Variants in SLCO1A2 observed in about 807,000 individuals in gnomAD.
The protein encoded by SLCO1A2 is solute carrier organic anion transporter family member 1A2, also known as OATP-1.
A neutral mutation model predicts 69.0 loss-of-function variants in SLCO1A2; 67 were observed. That is an observed-to-expected ratio of 0.97 (90% CI 0.80 to 1.19). The LOEUF is 1.19. Ranked by LOEUF, SLCO1A2 falls within the 50% of genes most tolerant of loss-of-function variation. The pLI is 0.00. For missense variants in SLCO1A2, 787 were observed against 793.7 expected, an observed-to-expected ratio of 0.99 and a Z score of 0.10; for synonymous variants, 260 against 265.9, an observed-to-expected ratio of 0.98 and a Z score of 0.22.
At position 21,269,418 on chromosome 12, in the gene SLCO1A2, TTTGAG is replaced by T; in HGVS notation, c.*125_*129del. ...ATATCATTAGTGAACATTTTATTAT[TTTGAG>T]TTAAGAGGTTTTTTAGGTTCTTAAA... On this transcript the variant is annotated 3_prime_UTR_variant, in exon 15 of 15. Coordinates refer to ENST00000683939, the MANE Select transcript of SLCO1A2 (RefSeq NM_001386879.1). 1 of 598,014 alleles carries T rather than the reference TTTGAG, an allele frequency of 1.7e-6. No homozygotes were observed. The highest frequency in any genetic ancestry group is 2.8e-6 in the Non-Finnish European group (1 of 358,666). 37.0% of individuals were successfully genotyped at this position (598,014 alleles called of 1,614,324 possible).
At chr12:21,279,785 A>G (rs1333924476) in intron 12 of SLCO1A2, among the ~76,000 whole-genome samples, 1 of 152,112 alleles carries the variant, frequency 6.6e-6, no homozygotes, top group East Asian at 1.9e-4. Flanking sequence ...ATAGTAAGTA[A>G]GCAAAAAAAT....
chr12:21,392,277 A>C (rs1941197247), intron 1 of SLCO1A2, among the ~76,000 whole-genome samples: 1 of 152,166 alleles, frequency 6.6e-6, no homozygotes. Context: ...CAATCATTCT[A>C]GATGTAAGAG....
At chr12:21,351,155 TAAG>T (rs1435434584) in intron 2 of SLCO1A2, among the ~76,000 whole-genome samples, 1 of 152,030 alleles carries the variant, frequency 6.6e-6, no homozygotes, top group African/African-American at 2.4e-5. Context: ...ACTGAGTAAA[TAAG>T]AAGTTAGCAG....
chr12:21,357,674 G>T (rs1391896368), intron 2 of SLCO1A2, among the ~76,000 whole-genome samples: 1 of 151,938 alleles, frequency 6.6e-6, no homozygotes, highest in Non-Finnish European at 1.5e-5. Flanking sequence ...TATTCTTAAG[G>T]TTTCTTCTAA....
chr12:21,321,217 G>T (rs187731471), intron 2 of SLCO1A2, among the ~76,000 whole-genome samples: 1 of 152,188 alleles, frequency 6.6e-6, no homozygotes, highest in African/African-American at 2.4e-5. Context: ...CTAACTGCTC[G>T]ATTCTTTCTC....
chr12:21,350,618 T>C (rs12303202), intron 2 of SLCO1A2, among the ~76,000 whole-genome samples: 29,839 of 151,462 alleles, frequency 0.2, 3,577 homozygotes, highest in East Asian at 0.43. Flanking sequence ...GGGTGGATCA[T>C]GAGGTCAGAA....
At chr12:21,277,181 G>A (rs1353943848) in intron 12 of SLCO1A2, among the ~76,000 whole-genome samples, 2 of 152,100 alleles carry the variant, frequency 1.3e-5, no homozygotes, top group African/African-American at 2.4e-5. Context: ...AGAGGACTTT[G>A]TCTTGCATCT....
intron 1 of SLCO1A2, among the ~76,000 whole-genome samples, chr12:21,414,067 A>G (rs1399289142): frequency 7.9e-6 from 1 of 126,380 alleles, no homozygotes; most frequent in Admixed American, 8.2e-5. Context: ...CATATCCCCA[A>G]CCTATATAAG....
At chr12:21,298,094 T>C (rs2199686) in intron 8 of SLCO1A2, among the ~76,000 whole-genome samples, 25,036 of 152,180 alleles carry the variant, frequency 0.16, 2,513 homozygotes, top group African/African-American at 0.27. Flanking sequence ...ATCCGGAATT[T>C]TTTTTTGCTT....
intron 1 of SLCO1A2, among the ~76,000 whole-genome samples, chr12:21,384,138 A>G (rs1940748827): frequency 6.6e-6 from 1 of 152,208 alleles, no homozygotes; most frequent in African/African-American, 2.4e-5. Flanking sequence ...AACTACACAA[A>G]CCAAAGAACA....
chr12:21,362,464 A>G (rs1400649355), intron 2 of SLCO1A2, among the ~76,000 whole-genome samples: 1 of 152,204 alleles, frequency 6.6e-6, no homozygotes, highest in Non-Finnish European at 1.5e-5. Flanking sequence ...TGTAAAGACC[A>G]TTGGTACTAG....
chr12:21,383,998 C>A (rs1940741287), intron 1 of SLCO1A2, among the ~76,000 whole-genome samples: 1 of 152,118 alleles, frequency 6.6e-6, no homozygotes, highest in African/African-American at 2.4e-5. Context: ...AGTGTGGCAT[C>A]TTATACTCCC....
rs887461051 is a variant in SLCO1A2 at position 21,304,347 on chromosome 12, G to T, written c.589+80C>A. ...TACTCATCATTGTGGAAATCACTAA[G>T]ACTACAAAAATATAACTAATTTCTA... On this transcript the variant is annotated intron_variant, in intron 6 of 14. Coordinates refer to ENST00000683939, the MANE Select transcript of SLCO1A2 (RefSeq NM_001386879.1). 26 of 1,175,952 alleles carry T rather than the reference G, an allele frequency of 2.2e-5. No individual in the cohort carries two copies. The Admixed American group carries it at 5.5e-4, about 25-fold the overall frequency. The allele number at this position is 1,175,952 out of a possible 1,614,324, so 72.8% of individuals were successfully genotyped here. A position where few individuals can be genotyped will look rare whatever the true frequency, so the allele number is the denominator to read the frequency against.
chr12:21,293,326 A>C (rs1947192050), intron 11 of SLCO1A2, among the ~76,000 whole-genome samples: 1 of 152,094 alleles, frequency 6.6e-6, no homozygotes, highest in Non-Finnish European at 1.5e-5. Context: ...GAAAAGAAAT[A>C]GTTTCTTTCA....
At chr12:21,347,657 G>GAAGA (rs1422542546) in intron 2 of SLCO1A2, among the ~76,000 whole-genome samples, 10 of 128,134 alleles carry the variant, frequency 7.8e-5, no homozygotes, top group African/African-American at 3.2e-4. Flanking sequence ...AAGAAGGAAA[G>GAAGA]AAGAAAGAAA....
intron 5 of SLCO1A2, among the ~76,000 whole-genome samples, chr12:21,305,293 C>T (rs1949224321): frequency 6.6e-6 from 1 of 152,268 alleles, no homozygotes; most frequent in East Asian, 1.9e-4. Flanking sequence ...AATCTCTTTG[C>T]CATCTATGTT....
chr12:21,347,741 A>G (rs576331449), intron 2 of SLCO1A2, among the ~76,000 whole-genome samples: 10 of 149,838 alleles, frequency 6.7e-5, no homozygotes, highest in Admixed American at 2.7e-4. Flanking sequence ...GGAAAACTGA[A>G]TCATATAGAA....
chr12:21,349,071 C>T (rs1023063708), intron 2 of SLCO1A2, among the ~76,000 whole-genome samples: 12 of 152,198 alleles, frequency 7.9e-5, no homozygotes, highest in Middle Eastern at 6.8e-3. Flanking sequence ...ACCTAAAATT[C>T]CTGTAAAAAT....
chr12:21,400,900 A>C (rs1941677611), intron 1 of SLCO1A2, among the ~76,000 whole-genome samples: 2 of 119,424 alleles, frequency 1.7e-5, no homozygotes, highest in African/African-American at 6.3e-5. Flanking sequence ...GGGGGGAGGG[A>C]TAGCATCGGG....
Sources: allele counts gnomAD v4.1 joint callset (sites outside exome capture counted in the v4.1 genomes callset), GRCh38; gene constraint gnomAD v4.1.1; transcripts MANE v1.5; gene names NCBI Gene and HGNC (gene_info 2026-07-23, HGNC 2026-07-21).